The following CCNI variants were observed in gnomAD, a reference collection of about 807,000 sequenced individuals.
CCNI encodes the protein cyclin-I.
In CCNI, 14 loss-of-function variants were observed where a neutral mutation model predicts 34.1. The ratio of observed to expected loss-of-function variants is 0.41; its 90% CI spans 0.27 to 0.64. The LOEUF (loss-of-function observed/expected upper bound fraction) is 0.64. Ranked by LOEUF, CCNI falls within the 30% of genes least tolerant of loss-of-function variation. The probability of loss-of-function intolerance (pLI) is 0.31; values close to 1 mark genes in which losing one functional copy is unlikely to be tolerated. For missense variants in CCNI, 385 were observed against 440.5 expected, an observed-to-expected ratio of 0.87 and a Z score of 1.13; for synonymous variants, 154 against 158.4, an observed-to-expected ratio of 0.97 and a Z score of 0.21.
chr4:77,047,663 T>C lies in CCNI; in HGVS notation c.*556A>G, dbSNP rs1474893841. ...AAATCAACCTGGTAATATGAGAACTTTTTCTTTTGCCATCTCTGATTAATA... is the reference window on the plus strand; with the variant it reads ...AAATCAACCTGGTAATATGAGAACTCTTTCTTTTGCCATCTCTGATTAATA... On this transcript the variant is annotated 3_prime_UTR_variant, in exon 7 of 7. Coordinates refer to ENST00000237654, the MANE Select transcript of CCNI (RefSeq NM_006835.3). The C allele has an allele frequency of 6.6e-6, 1 of 152,210 alleles. No individual in the cohort carries two copies. Among genetic ancestry groups the C allele is most frequent in the East Asian group, 1.9e-4 (1 of 5,194 alleles). 9.4% of individuals were successfully genotyped at this position (152,210 alleles called of 1,614,324 possible). A position where few individuals can be genotyped will look rare whatever the true frequency, so the allele number is the denominator to read the frequency against.
At chr4:77,075,104 G>A (rs1729801517) in intron 1 of CCNI, 1 of 152,142 alleles carries the variant, frequency 6.6e-6, no homozygotes, top group African/African-American at 2.4e-5. Flanking sequence ...TCAACCTGAG[G>A]GTGGGGGTGT....
intron 6 of CCNI, among the ~76,000 whole-genome samples, chr4:77,049,748 T>G (rs1727707231): frequency 1.3e-5 from 2 of 152,080 alleles, no homozygotes; most frequent in Admixed American, 1.3e-4. Flanking sequence ...AATAATCTAT[T>G]TAACCATTTA....
chr4:77,054,966 TAA>T (rs1369457219), intron 6 of CCNI, among the ~76,000 whole-genome samples, 182 bp downstream of exon 6: 5 of 152,202 alleles, frequency 3.3e-5, no homozygotes, highest in African/African-American at 1.2e-4. Flanking sequence ...AAATACTATA[TAA>T]GTTTTATATG....
chr4:77,053,039 C>T (rs1005620683), intron 6 of CCNI, among the ~76,000 whole-genome samples: 1 of 152,332 alleles, frequency 6.6e-6, no homozygotes, highest in South Asian at 2.1e-4. Flanking sequence ...CGTCCAAAGA[C>T]TACCTACATA....
In CCNI at chr4:77,075,726, C is replaced by A. The variant is rs1221512422; in HGVS notation, c.-298G>T. The A allele has an allele frequency of 1.7e-5, 4 of 242,386 alleles. No homozygotes were observed. Among genetic ancestry groups the A allele is most frequent in the Non-Finnish European group, 2.7e-5 (4 of 150,624 alleles). 15.0% of individuals were successfully genotyped at this position (242,386 alleles called of 1,614,324 possible). A position where few individuals can be genotyped will look rare whatever the true frequency, so the allele number is the denominator to read the frequency against. On this transcript the variant is annotated 5_prime_UTR_variant, in exon 1 of 7. Coordinates refer to ENST00000237654, the MANE Select transcript of CCNI (RefSeq NM_006835.3). The stretch of plus-strand genomic sequence containing the variant: ...GTCAGCGAATTAGTTCCATGATGAC[C>A]CCCGGCCTGAGGCCGCCGCCGCTCG...
chr4:77,069,121 C>T (rs148733670), intron 1 of CCNI, among the ~76,000 whole-genome samples: 19 of 152,286 alleles, frequency 1.2e-4, no homozygotes, highest in African/African-American at 4.6e-4. Context: ...TCCCCAACTA[C>T]GTTATAAATT....
chr4:77,047,991 A>G lies in CCNI; in HGVS notation c.*228T>C, dbSNP rs1444778780. The G allele has an allele frequency of 2.3e-5, 9 of 390,704 alleles. No homozygotes were observed. The highest frequency in any genetic ancestry group is 1.2e-4 in the East Asian group (3 of 25,676). 24.2% of individuals were successfully genotyped at this position (390,704 alleles called of 1,614,324 possible). A position where few individuals can be genotyped will look rare whatever the true frequency, so the allele number is the denominator to read the frequency against. On this transcript the variant is annotated 3_prime_UTR_variant, in exon 7 of 7. Transcript: ENST00000237654. ...AAAGAGATTTTTTAAGTTTAAAAAA[A>G]GTTTGGATCTTTTGGATTTCTTTTT... is the stretch of plus-strand genomic sequence containing the variant.
chr4:77,050,839 T>TAAAA (rs11384050), intron 6 of CCNI, among the ~76,000 whole-genome samples: 1 of 141,454 alleles, frequency 7.1e-6, no homozygotes, highest in African/African-American at 2.6e-5. Flanking sequence ...TTAGGAAGCC[T>TAAAA]AAAAAAAAAA....
intron 3 of CCNI, chr4:77,056,548 G>GA (rs1728245026): frequency 2.1e-6 from 1 of 473,440 alleles, no homozygotes. Flanking sequence ...TGAAAGGAAG[G>GA]AAAGTACACT....
At chr4:77,074,083 T>C (rs1358922830) in intron 1 of CCNI, among the ~76,000 whole-genome samples, 1 of 152,206 alleles carries the variant, frequency 6.6e-6, no homozygotes, top group African/African-American at 2.4e-5. Flanking sequence ...CATAGGAAGA[T>C]GAATATTCAT....
intron 6 of CCNI, among the ~76,000 whole-genome samples, chr4:77,054,009 A>C (rs962715497): frequency 2.0e-5 from 3 of 152,166 alleles, no homozygotes; most frequent in Admixed American, 2.0e-4. Flanking sequence ...TAGCTAACAT[A>C]CTGCTCTGAT....
rs1578265242 is a variant in CCNI, at chr4:77,075,855, A to G, written c.-427T>C. On this transcript the variant is annotated 5_prime_UTR_variant, in exon 1 of 7. Transcript: ENST00000237654. ...CCCCTGCCCGGGGAAAGCGCCTCCG[A>G]GGGGAAATGGTGAAAGGGGGGGAGG... 3 of 126,524 alleles carry G rather than the reference A, an allele frequency of 2.4e-5. No individual in the cohort carries two copies. Among genetic ancestry groups the G allele is most frequent in the Non-Finnish European group, 3.2e-5 (2 of 62,350 alleles). 7.8% of individuals were successfully genotyped at this position (126,524 alleles called of 1,614,324 possible). A position where few individuals can be genotyped will look rare whatever the true frequency, so the allele number is the denominator to read the frequency against.
chr4:77,058,846 T>C (rs1728413458), intron 2 of CCNI, among the ~76,000 whole-genome samples: 1 of 152,258 alleles, frequency 6.6e-6, no homozygotes, highest in African/African-American at 2.4e-5. Context: ...TCCTACTCTT[T>C]ATTAAAATTT....
In CCNI at chr4:77,055,394, G is replaced by A. The variant is rs1163009069; in HGVS notation, c.460-14C>T. 2 of 1,517,374 alleles carry A rather than the reference G, an allele frequency of 1.3e-6. No individual in the cohort carries two copies. The highest frequency in any genetic ancestry group is 1.4e-5 in the African/African-American group (1 of 72,664). The allele number at this position is 1,517,374 out of a possible 1,614,324, so 94.0% of individuals were successfully genotyped here. A position where few individuals can be genotyped will look rare whatever the true frequency, so the allele number is the denominator to read the frequency against. On this transcript the variant is annotated splice_polypyrimidine_tract_variant and intron_variant, in intron 5 of 6. Transcript: ENST00000237654. ...AATGGCATGGAACTGAAAATCACAA[G>A]AACATCATTTTAACTTTATTTAAAT...
Position 77,048,028 on chromosome 4 carries a change from TC to T in CCNI, c.*190del. 1 of 423,394 alleles carries T rather than the reference TC, an allele frequency of 2.4e-6. No homozygotes were observed. The highest frequency in any genetic ancestry group is 4.2e-6 in the Non-Finnish European group (1 of 239,438). 26.2% of individuals were successfully genotyped at this position (423,394 alleles called of 1,614,324 possible). ...TTGGATTTCTTTTTTTTTTTTTTGG[TC>T]TTTATGTGCTTAAATAACGCTGAAT... On this transcript the variant is annotated 3_prime_UTR_variant, in exon 7 of 7. Coordinates refer to ENST00000237654, the MANE Select transcript of CCNI (RefSeq NM_006835.3).
intron 1 of CCNI, 21 bp from the exon 2 acceptor site, chr4:77,066,426 T>TA (rs1729043055): frequency 6.3e-7 from 1 of 1,583,032 alleles, no homozygotes; most frequent in South Asian, 1.1e-5. Flanking sequence ...AAGTAAGTTT[T>TA]AAAATTAGTT....
At chr4:77,056,346 A>G (rs770920292) in intron 3 of CCNI, 23 bp from the exon 4 acceptor site, 3 of 1,553,972 alleles carry the variant, frequency 1.9e-6, no homozygotes, top group South Asian at 1.1e-5. Flanking sequence ...AGAGGGAAAA[A>G]GCAACTTTAG....
Position 77,056,247 on chromosome 4 carries a change from A to G in CCNI, c.318+2T>C. ...AAACATTATCTTGAAAGGATTTATT[A>G]CCTCATCTTCCTCAACAGTCTTGGC... On this transcript the variant is annotated splice_donor_variant, in intron 4 of 6. Transcript: ENST00000237654. LOFTEE classifies it high-confidence loss of function. The G allele has an allele frequency of 6.2e-7, 1 of 1,611,086 alleles. No homozygotes were observed. The highest frequency in any genetic ancestry group is 8.5e-7 in the Non-Finnish European group (1 of 1,177,398).
In CCNI at chr4:77,075,454, CCCG is replaced by C. The variant is rs1729850600; in HGVS notation, c.-44+15_-44+17del. The C allele has an allele frequency of 1.3e-5, 9 of 680,654 alleles. No individual in the cohort carries two copies. The East Asian group carries it at 5.5e-4, about 42-fold the overall frequency. 42.2% of individuals were successfully genotyped at this position (680,654 alleles called of 1,614,324 possible). A position where few individuals can be genotyped will look rare whatever the true frequency, so the allele number is the denominator to read the frequency against. ...CGCGGAGACGCGTCGAGCCCCCGCCCCCGCCCCCGCCCCTCACCTTCTCCTCCT... is the reference window on the plus strand; with the variant it reads ...CGCGGAGACGCGTCGAGCCCCCGCCCCCCCCGCCCCTCACCTTCTCCTCCT... On this transcript the variant is annotated intron_variant, in intron 1 of 6. Coordinates refer to ENST00000237654, the MANE Select transcript of CCNI (RefSeq NM_006835.3).
Sources: gnomAD v4.1 joint callset for allele counts (sites outside exome capture counted in the v4.1 genomes callset) on GRCh38, gnomAD v4.1.1 for gene constraint, MANE v1.5 for transcripts, NCBI Gene and HGNC (gene_info 2026-07-23, HGNC 2026-07-21) for gene names.